The following TAOK1 variants were observed in gnomAD, a reference collection of about 807,000 sequenced individuals.
TAOK1 encodes the protein TAO kinase 1, also known as serine/threonine-protein kinase TAO1.
A neutral mutation model predicts 138.3 loss-of-function variants in TAOK1; 21 were observed. The observed-to-expected ratio is 0.15, with a 90% CI of 0.11 to 0.22. The LOEUF (loss-of-function observed/expected upper bound fraction) is 0.22. TAOK1 is among the 10% of genes least tolerant of loss of function. TAOK1 has a pLI of 1.00. For missense variants in TAOK1, 651 were observed against 1,227.7 expected, an observed-to-expected ratio of 0.53 and a Z score of 7.02; for synonymous variants, 361 against 398.4, an observed-to-expected ratio of 0.91 and a Z score of 1.12.
intron 1 of TAOK1, among the ~76,000 whole-genome samples, chr17:29,420,401 A>G (rs1407691244): frequency 1.3e-5 from 2 of 151,926 alleles, no homozygotes; most frequent in Admixed American, 6.6e-5. Context: ...TCTGGTAGCT[A>G]TTTTGTGGAC....
At chr17:29,503,963 C>T (rs2031578621) in intron 13 of TAOK1, among the ~76,000 whole-genome samples, 1 of 151,976 alleles carries the variant, frequency 6.6e-6, no homozygotes, top group South Asian at 2.1e-4. Flanking sequence ...ATAGAAAAAT[C>T]AGCTGGGCAT....
chr17:29,476,018 A>C (rs570321287), intron 4 of TAOK1, among the ~76,000 whole-genome samples: 3 of 152,356 alleles, frequency 2.0e-5, no homozygotes, highest in Non-Finnish European at 4.4e-5. Flanking sequence ...AAAATGTCCT[A>C]TGACAGTTTT....
intron 1 of TAOK1, among the ~76,000 whole-genome samples, chr17:29,435,398 A>G (rs942169886): frequency 6.6e-6 from 1 of 152,198 alleles, no homozygotes; most frequent in Non-Finnish European, 1.5e-5. Flanking sequence ...CCTTAGCCCT[A>G]TACTTGACCT....
intron 1 of TAOK1, among the ~76,000 whole-genome samples, chr17:29,398,615 A>T (rs1904736605): frequency 1.4e-5 from 2 of 147,856 alleles, no homozygotes; most frequent in East Asian, 2.0e-4. Flanking sequence ...CTGCAACCTC[A>T]GCCTCCCAGG....
At chr17:29,454,918 G>A (rs962289773) in intron 2 of TAOK1, among the ~76,000 whole-genome samples, 1 of 151,698 alleles carries the variant, frequency 6.6e-6, no homozygotes, top group Non-Finnish European at 1.5e-5. Context: ...AGCCAGGATG[G>A]TATTTTTTGT....
intron 6 of TAOK1, chr17:29,479,938 A>C (rs1283148974): frequency 6.6e-6 from 1 of 152,168 alleles, no homozygotes; most frequent in African/African-American, 2.4e-5. Flanking sequence ...ATTTTGAATA[A>C]GTCTTTTAAA....
At chr17:29,506,663 T>C (rs933889571) in intron 13 of TAOK1, among the ~76,000 whole-genome samples, 1 of 70,752 alleles carries the variant, frequency 1.4e-5, no homozygotes, top group Non-Finnish European at 4.8e-5. Context: ...ATATGTTAGA[T>C]TGATTTAATT....
chr17:29,524,100 A>G (rs977055741), intron 17 of TAOK1, among the ~76,000 whole-genome samples: 12 of 152,352 alleles, frequency 7.9e-5, no homozygotes, highest in South Asian at 6.2e-4. Context: ...TCACCTTGCT[A>G]TATCTTCAAA....
chr17:29,517,527 G>C lies in TAOK1; in HGVS notation c.1779G>C (p.Gln593His). 1 of 1,614,022 alleles carries C rather than the reference G, an allele frequency of 6.2e-7. No homozygotes were observed. Among genetic ancestry groups the C allele is most frequent in the African/African-American group, 1.3e-5 (1 of 74,986 alleles). Reference sequence around the variant, plus strand: ...TTTCAAAGCAGAAGGAGAATATACAGCATTTCCAAGCAGAAGAAGAAGCTA... The same window carrying C: ...TTTCAAAGCAGAAGGAGAATATACACCATTTCCAAGCAGAAGAAGAAGCTA... ...EWLSKQKENI[Q>H]HFQAEEEANL... The change falls in exon 16 of 20, where the codon CAG becomes CAC. Residue 593 changes from glutamine (Q) to histidine (H), a missense_variant. Physicochemically the swap from Gln to His is conservative, Grantham distance 24 (BLOSUM62 0). This residue lies in a region of TAOK1 where 258 missense variants were observed against 548.9 expected (regional missense o/e 0.47). Transcript: ENST00000261716.
chr17:29,468,576 ATC>A (rs1406974785), intron 3 of TAOK1, among the ~76,000 whole-genome samples: 2 of 148,070 alleles, frequency 1.4e-5, no homozygotes, highest in Non-Finnish European at 3.0e-5. Context: ...GAGACAGAGC[ATC>A]TCTCTGTCCA....
At chr17:29,541,708 G>A (rs2032319568) in intron 19 of TAOK1, among the ~76,000 whole-genome samples, 2 of 151,024 alleles carry the variant, frequency 1.3e-5, no homozygotes, top group South Asian at 2.1e-4. Context: ...CCCAGGATGC[G>A]GAGGTTGCAG....
intron 6 of TAOK1, among the ~76,000 whole-genome samples, chr17:29,479,270 G>A (rs1181063223): frequency 1.3e-5 from 2 of 152,084 alleles, no homozygotes; most frequent in Non-Finnish European, 2.9e-5. Flanking sequence ...TTTGGCACTG[G>A]TATTGGTTCT....
At chr17:29,484,719 C>T (rs1442857859) in intron 8 of TAOK1, among the ~76,000 whole-genome samples, 2 of 152,092 alleles carry the variant, frequency 1.3e-5, no homozygotes, top group Admixed American at 1.3e-4. Flanking sequence ...ATTCTCCTGC[C>T]TTAGCCTCCC....
At chr17:29,448,867 C>T (rs2030161424) in intron 1 of TAOK1, among the ~76,000 whole-genome samples, 1 of 152,026 alleles carries the variant, frequency 6.6e-6, no homozygotes, top group South Asian at 2.1e-4. Context: ...CACATTGTGC[C>T]TGCTTGTTTA....
chr17:29,479,836 A>G (rs1399023480), intron 6 of TAOK1, among the ~76,000 whole-genome samples: 6 of 152,100 alleles, frequency 3.9e-5, no homozygotes, highest in Admixed American at 6.6e-5. Context: ...CATTGATACT[A>G]CATTATCCAT....
intron 1 of TAOK1, among the ~76,000 whole-genome samples, chr17:29,425,789 C>A (rs1485402212): frequency 1.3e-5 from 2 of 152,174 alleles, no homozygotes; most frequent in Non-Finnish European, 2.9e-5. Context: ...AAATTAGATT[C>A]TGTTAAAATT....
At chr17:29,507,827 T>C in intron 13 of TAOK1, 69 bp from the exon 14 acceptor site, 1 of 1,397,648 alleles carries the variant, frequency 7.2e-7, no homozygotes, top group Non-Finnish European at 9.8e-7. Context: ...TAATATAGAA[T>C]TGTCTAAAAT....
intron 15 of TAOK1, among the ~76,000 whole-genome samples, chr17:29,517,015 C>T (rs1184480451): frequency 6.7e-6 from 1 of 149,554 alleles, no homozygotes; most frequent in Non-Finnish European, 1.5e-5. Flanking sequence ...GAGACAGAGT[C>T]TCGCTCTGTC....
chr17:29,442,389 G>A (rs1224522192), intron 1 of TAOK1, among the ~76,000 whole-genome samples: 1 of 130,496 alleles, frequency 7.7e-6, no homozygotes, highest in African/African-American at 2.8e-5. Context: ...ATTTTTTTCT[G>A]TTTTTTTTTT....
Sources: allele counts gnomAD v4.1 joint callset (sites outside exome capture counted in the v4.1 genomes callset), GRCh38; gene constraint gnomAD v4.1.1; regional missense constraint gnomAD v4.1.1; transcripts MANE v1.5; gene names NCBI Gene and HGNC (gene_info 2026-07-23, HGNC 2026-07-21).